PUM3: variants seen among roughly 807,000 people sequenced by gnomAD.
The protein encoded by PUM3 is pumilio homolog 3.
A neutral mutation model predicts 84.0 loss-of-function variants in PUM3; 91 were observed. That is an observed-to-expected ratio of 1.08 (90% CI 0.91 to 1.29). The LOEUF is 1.29. PUM3 is among the 50% of genes most tolerant of loss of function. The pLI is 0.00. For synonymous variants in PUM3, 321 were observed against 266.7 expected (o/e 1.20, Z -1.98); for missense variants, 1,067 against 767.5 (o/e 1.39, Z -4.61).
In PUM3 at chr9:2,837,232, C is replaced by T. The variant is rs2747; in HGVS notation, c.252G>A (p.Pro84=). Residue 84 remains proline, a synonymous_variant, in exon 3 of 18, where the codon CCG becomes CCA. Transcript: ENST00000397885. ...TTCTCTTCTTGTTGAATTTATTTGC[C>T]GGCTGGAATTTGTTCTTTGGTGATT... ...GDKSPKNKFQ[P]ANKFNKKRKF... 11 of 1,613,940 alleles carry T rather than the reference C, an allele frequency of 6.8e-6. No individual in the cohort carries two copies. Among genetic ancestry groups the T allele is most frequent in the African/African-American group, 2.7e-5 (2 of 74,882 alleles).
chr9:2,823,821 A>G lies in PUM3; in HGVS notation c.1148T>C (p.Ile383Thr), dbSNP rs1351357079. 4 of 1,532,996 alleles carry G rather than the reference A, an allele frequency of 2.6e-6. No individual in the cohort carries two copies. The highest frequency in any genetic ancestry group is 1.2e-5 in the South Asian group (1 of 81,912). 95.0% of individuals were successfully genotyped at this position (1,532,996 alleles called of 1,614,324 possible). A position where few individuals can be genotyped will look rare whatever the true frequency, so the allele number is the denominator to read the frequency against. Residue 383 changes from isoleucine to threonine, a missense_variant, in exon 12 of 18, where the codon ATT becomes ACT. By Grantham distance (89) the Ile-to-Thr change is moderately conservative. Transcript: ENST00000397885. ...AACATAAGTCTTCATTGTTTTCACAATCACTTTCCTGTCCTTAAAAAGGAA... is the reference window on the plus strand; with the variant it reads ...AACATAAGTCTTCATTGTTTTCACAGTCACTTTCCTGTCCTTAAAAAGGAA... Reference protein sequence around the residue: ...WHGTPKDRKVIVKTMKTYVEK... With the variant: ...WHGTPKDRKVTVKTMKTYVEK...
chr9:2,817,285 AG>A (rs1422661947), intron 13 of PUM3, among the ~76,000 whole-genome samples: 1 of 152,234 alleles, frequency 6.6e-6, no homozygotes, highest in Non-Finnish European at 1.5e-5. Flanking sequence ...GATTTAGAAT[AG>A]GGATGGGTAA....
chr9:2,830,284 T>C (rs975327623), intron 7 of PUM3, among the ~76,000 whole-genome samples: 21 of 152,214 alleles, frequency 1.4e-4, no homozygotes, highest in African/African-American at 4.1e-4. Flanking sequence ...AGCTGGAAAC[T>C]ACAGCTAGGA....
chr9:2,810,002 CCT>C (rs1190396777), intron 16 of PUM3, among the ~76,000 whole-genome samples: 3 of 151,780 alleles, frequency 2.0e-5, no homozygotes, highest in Non-Finnish European at 4.4e-5. Flanking sequence ...CCCCCTACCC[CCT>C]CTCACCATCC....
At chr9:2,807,600 C>CAAA (rs71329449) in intron 17 of PUM3, among the ~76,000 whole-genome samples, 972 of 66,442 alleles carry the variant, frequency 0.015, 88 homozygotes, top group Middle Eastern at 0.047. Flanking sequence ...GACTCCATCT[C>CAAA]AAAAAAAAAA....
chr9:2,804,600 G>T, intron 17 of PUM3, 137 bp from the exon 18 acceptor site: 1 of 792,064 alleles, frequency 1.3e-6, no homozygotes. Context: ...TCATTCAAAG[G>T]ATGAATGATG....
intron 17 of PUM3, 38 bp downstream of exon 17, chr9:2,807,776 C>A: frequency 7.6e-7 from 1 of 1,321,660 alleles, no homozygotes; most frequent in Non-Finnish European, 1.1e-6. Flanking sequence ...TTTTGCATGA[C>A]CAGGCCCTGC....
intron 12 of PUM3, among the ~76,000 whole-genome samples, chr9:2,821,848 A>G (rs1261266316): frequency 2.0e-5 from 3 of 152,346 alleles, no homozygotes; most frequent in East Asian, 3.9e-4. Context: ...TAAAAACTCT[A>G]GAAACTACCA....
At chr9:2,823,027 T>C (rs903504636) in intron 12 of PUM3, among the ~76,000 whole-genome samples, 7 of 151,860 alleles carry the variant, frequency 4.6e-5, no homozygotes, top group African/African-American at 1.7e-4. Flanking sequence ...AAGGATAAAG[T>C]AGTTGATTAC....
chr9:2,824,943 A>G (rs1046175223), intron 10 of PUM3, 128 bp from the exon 11 acceptor site: 13 of 462,994 alleles, frequency 2.8e-5, no homozygotes, highest in Admixed American at 4.3e-5. Context: ...GTAGCAAACA[A>G]TTTCATTTTG....
intron 17 of PUM3, among the ~76,000 whole-genome samples, chr9:2,806,103 G>C (rs371183420): frequency 6.6e-5 from 10 of 152,110 alleles, no homozygotes; most frequent in Non-Finnish European, 1.2e-4. Flanking sequence ...TCCTTCCTAT[G>C]TTTGAAATCC....
intron 13 of PUM3, among the ~76,000 whole-genome samples, chr9:2,815,450 G>C (rs1468392241): frequency 2.0e-5 from 3 of 152,178 alleles, no homozygotes; most frequent in African/African-American, 7.2e-5. Context: ...ATAGGTAAGA[G>C]ACAGCTAAGG....
chr9:2,828,484 G>C (rs1815882933), intron 9 of PUM3, 191 bp downstream of exon 9: 5 of 507,868 alleles, frequency 9.8e-6, no homozygotes, highest in Middle Eastern at 5.2e-4. Context: ...TCATTTTATA[G>C]GGTACAATAT....
chr9:2,817,255 T>C (rs1472839535), intron 13 of PUM3, among the ~76,000 whole-genome samples: 8 of 152,238 alleles, frequency 5.3e-5, no homozygotes. Context: ...TAGAATACTA[T>C]TTGGCAGTGA....
At position 2,823,843 on chromosome 9, in the gene PUM3, GGAAA is replaced by G. The variant is rs758180121; in HGVS notation, c.1135-13_1135-10del. Reference sequence around the variant, plus strand: ...ACAATCACTTTCCTGTCCTTAAAAAGGAAAGATTGTCTCACTGAATTTTCAGTTA... The same window carrying G: ...ACAATCACTTTCCTGTCCTTAAAAAGGATTGTCTCACTGAATTTTCAGTTA... On this transcript the variant is annotated splice_polypyrimidine_tract_variant and intron_variant, in intron 11 of 17. Transcript: ENST00000397885. 1 of 1,493,468 alleles carries G rather than the reference GGAAA, an allele frequency of 6.7e-7. No individual in the cohort carries two copies. The highest frequency in any genetic ancestry group is 2.3e-5 in the East Asian group (1 of 42,824). The allele number at this position is 1,493,468 out of a possible 1,614,324, so 92.5% of individuals were successfully genotyped here.
intron 17 of PUM3, among the ~76,000 whole-genome samples, chr9:2,806,144 C>T (rs186994992): frequency 6.6e-6 from 1 of 152,170 alleles, no homozygotes; most frequent in East Asian, 1.9e-4. Flanking sequence ...GATGAACAAC[C>T]TTTATAAATT....
chr9:2,842,052 C>T (rs1040760458), intron 1 of PUM3, among the ~76,000 whole-genome samples: 3 of 152,116 alleles, frequency 2.0e-5, no homozygotes, highest in Non-Finnish European at 4.4e-5. Flanking sequence ...CCTGTTTTGT[C>T]TTTTCCAGAA....
chr9:2,827,934 T>C (rs1001020537), intron 9 of PUM3, among the ~76,000 whole-genome samples: 6 of 152,232 alleles, frequency 3.9e-5, no homozygotes, highest in Non-Finnish European at 8.8e-5. Flanking sequence ...CCAGGAGTCG[T>C]ACCCAGGCAG....
chr9:2,810,431 G>C lies in PUM3; in HGVS notation c.1636C>G (p.Leu546Val). 4 of 1,598,482 alleles carry C rather than the reference G, an allele frequency of 2.5e-6. No homozygotes were observed. The highest frequency in any genetic ancestry group is 1.3e-5 in the African/African-American group (1 of 74,266). ...CCTGCAGGATGTTCTGCAATGTGAA[G>C]CTATGAAGGGTCAAGAACAGTTAAT... is the stretch of plus-strand genomic sequence containing the variant. ...GLHPGGKDGE[L>V]HIAEHPAGHL... Residue 546 changes from leucine to valine, a missense_variant and splice_region_variant, in exon 16 of 18, where the codon CTT becomes GTT. Physicochemically the swap from Leu to Val is conservative, Grantham distance 32. Transcript: ENST00000397885.
Sources: allele counts gnomAD v4.1 joint callset (sites outside exome capture counted in the v4.1 genomes callset), GRCh38; gene constraint gnomAD v4.1.1; transcripts MANE v1.5; gene names NCBI Gene and HGNC (gene_info 2026-07-23, HGNC 2026-07-21).